The following BAALC variants were observed in gnomAD, a reference collection of about 807,000 sequenced individuals.
The protein encoded by BAALC is brain and acute leukemia cytoplasmic protein.
A neutral mutation model predicts 15.5 loss-of-function variants in BAALC; 9 were observed. That is an observed-to-expected ratio of 0.58 (90% CI 0.35 to 1.02). The LOEUF (loss-of-function observed/expected upper bound fraction) is 1.02, where lower values mean the gene tolerates loss of function less well. BAALC is among the 50% of genes least tolerant of loss of function. BAALC has a pLI of 0.02. For synonymous variants in BAALC, 80 were observed against 74.6 expected, an observed-to-expected ratio of 1.07 and a Z score of -0.37; for missense variants, 201 against 192.4, an observed-to-expected ratio of 1.04 and a Z score of -0.27.
chr8:103,219,359 C>T (rs1812629868), intron 2 of BAALC: 1 of 152,368 alleles, frequency 6.6e-6, no homozygotes, highest in African/African-American at 2.4e-5. Flanking sequence ...CTAGTCATCA[C>T]TCAGATTAGA....
intron 1 of BAALC, among the ~76,000 whole-genome samples, chr8:103,176,293 T>C (rs985229746): frequency 6.6e-6 from 1 of 152,124 alleles, no homozygotes; most frequent in East Asian, 1.9e-4. Context: ...ATTCAGCAAG[T>C]ATGTACTGGC....
intron 1 of BAALC, among the ~76,000 whole-genome samples, chr8:103,192,982 G>A (rs915881812): frequency 3.3e-5 from 5 of 152,216 alleles, no homozygotes; most frequent in Admixed American, 3.3e-4. Flanking sequence ...CCCTAGAGCA[G>A]AGTCTAGCAC....
intron 1 of BAALC, chr8:103,198,007 G>T: frequency 1.6e-6 from 1 of 619,766 alleles, no homozygotes; most frequent in Non-Finnish European, 2.9e-6. Flanking sequence ...CCTCTGCTCT[G>T]TGAGGACTAA....
chr8:103,189,014 A>C (rs1258002258), intron 1 of BAALC, among the ~76,000 whole-genome samples: 1 of 152,228 alleles, frequency 6.6e-6, no homozygotes, highest in East Asian at 1.9e-4. Context: ...ATAACTGTTA[A>C]ATAAAAATTC....
chr8:103,208,687 C>A (rs1812383856), intron 1 of BAALC, among the ~76,000 whole-genome samples: 1 of 152,118 alleles, frequency 6.6e-6, no homozygotes, highest in Non-Finnish European at 1.5e-5. Flanking sequence ...TGGAGCGTGT[C>A]CCCGGGCTTG....
intron 2 of BAALC, among the ~76,000 whole-genome samples, chr8:103,225,205 GCATTCATT>G (rs932802162): frequency 1.1e-4 from 16 of 152,282 alleles, no homozygotes; most frequent in African/African-American, 3.8e-4. Context: ...CAAGTGTGGT[GCATTCATT>G]CATTCATTCA....
chr8:103,224,612 T>C (rs1185122018), intron 2 of BAALC, among the ~76,000 whole-genome samples: 1 of 151,960 alleles, frequency 6.6e-6, no homozygotes, highest in East Asian at 1.9e-4. Context: ...GAGCAGGTTG[T>C]AAAATGTTTC....
At chr8:103,186,416 G>A (rs775111673) in intron 1 of BAALC, among the ~76,000 whole-genome samples, 5 of 152,134 alleles carry the variant, frequency 3.3e-5, no homozygotes, top group East Asian at 3.8e-4. Flanking sequence ...GCTGTTTGAC[G>A]GCAAAGCCAA....
chr8:103,162,965 CT>C (rs1207037450), intron 1 of BAALC, among the ~76,000 whole-genome samples: 2 of 152,182 alleles, frequency 1.3e-5, no homozygotes, highest in Non-Finnish European at 2.9e-5. Flanking sequence ...AGATAGATTC[CT>C]GCACATGTTA....
At position 103,154,243 on chromosome 8, in the gene BAALC, A is replaced by G. The variant is rs772345789; in HGVS notation, c.160+13186A>G. Among the ~76,000 whole-genome samples, 52 of 152,032 alleles carry G rather than the reference A, an allele frequency of 3.4e-4. 1 individual carries two copies. The highest frequency in any genetic ancestry group is 6.2e-4 in the Non-Finnish European group (42 of 68,010). On this transcript the variant is annotated intron_variant, in intron 1 of 2. Coordinates refer to ENST00000309982, the MANE Select transcript of BAALC (RefSeq NM_024812.3). ...CCATTTTACAGAAGGGGGTAGTCAG[A>G]GCGGTGGGATGGCTTGTCTAAATGT...
intron 1 of BAALC, chr8:103,190,980 G>A (rs1811954053): frequency 6.6e-6 from 1 of 152,250 alleles, no homozygotes; most frequent in Admixed American, 6.5e-5. Context: ...GGGACTGCCT[G>A]AGCTCAGCAG....
chr8:103,192,030 AC>A (rs548909781), intron 1 of BAALC, among the ~76,000 whole-genome samples: 315 of 152,288 alleles, frequency 2.1e-3, no homozygotes, highest in African/African-American at 6.9e-3. Context: ...CTGGGTGTCA[AC>A]AACTACTTAA....
At chr8:103,184,705 A>G (rs1811794943) in intron 1 of BAALC, among the ~76,000 whole-genome samples, 1 of 152,204 alleles carries the variant, frequency 6.6e-6, no homozygotes, top group African/African-American at 2.4e-5. Flanking sequence ...ACAAAAACAT[A>G]GTAAAAAGTC....
chr8:103,162,420 G>A (rs1016730352), intron 1 of BAALC, among the ~76,000 whole-genome samples: 1 of 152,198 alleles, frequency 6.6e-6, no homozygotes, highest in Non-Finnish European at 1.5e-5. Context: ...GCTGTCAGAT[G>A]GAACAGCTGG....
chr8:103,156,019 T>A (rs1221865226), intron 1 of BAALC, among the ~76,000 whole-genome samples: 1 of 152,214 alleles, frequency 6.6e-6, no homozygotes, highest in African/African-American at 2.4e-5. Context: ...TTCTCTGTTT[T>A]TAATGCCAAA....
intron 1 of BAALC, chr8:103,200,626 A>G (rs1473925103): frequency 1.5e-6 from 1 of 665,358 alleles, no homozygotes; most frequent in African/African-American, 1.8e-5. Context: ...ATACTGGATA[A>G]TTTATAAGTA....
chr8:103,187,857 T>G (rs753877533), intron 1 of BAALC, among the ~76,000 whole-genome samples: 18 of 152,176 alleles, frequency 1.2e-4, no homozygotes, highest in Admixed American at 9.8e-4. Context: ...CCAGTGTAGA[T>G]CCCAGCTTCC....
chr8:103,192,783 T>C (rs1362207465), intron 1 of BAALC, among the ~76,000 whole-genome samples: 1 of 152,192 alleles, frequency 6.6e-6, no homozygotes, highest in Non-Finnish European at 1.5e-5. Flanking sequence ...TGAGCTGCCA[T>C]TGCCATGGGA....
chr8:103,152,832 C>T (rs1233601198), intron 1 of BAALC, among the ~76,000 whole-genome samples: 15 of 152,316 alleles, frequency 9.8e-5, no homozygotes. Flanking sequence ...CTCTGCCATC[C>T]TTAGTGTGTG....
Sources: gnomAD v4.1 joint callset for allele counts (sites outside exome capture counted in the v4.1 genomes callset) on GRCh38, gnomAD v4.1.1 for gene constraint, MANE v1.5 for transcripts, NCBI Gene and HGNC (gene_info 2026-07-23, HGNC 2026-07-21) for gene names.